The following CAMKMT variants were observed in gnomAD, a reference collection of about 807,000 sequenced individuals.
The protein encoded by CAMKMT is CaM KMT.
Under a neutral mutation model 48.0 loss-of-function variants are expected in CAMKMT, and 53 were observed. That is an observed-to-expected ratio of 1.10 (90% CI 0.89 to 1.39). The LOEUF (loss-of-function observed/expected upper bound fraction) is 1.39. Ranked by LOEUF, CAMKMT falls within the 40% of genes most tolerant of loss-of-function variation. The pLI, the probability that CAMKMT is intolerant of heterozygous loss-of-function variation, is 0.00. For synonymous variants in CAMKMT, 165 were observed against 152.3 expected (o/e 1.08, Z -0.61); for missense variants, 428 against 402.7 (o/e 1.06, Z -0.54).
chr2:44,423,624 T>A (rs569947202), intron 3 of CAMKMT, among the ~76,000 whole-genome samples: 1 of 152,350 alleles, frequency 6.6e-6, no homozygotes, highest in African/African-American at 2.4e-5. Flanking sequence ...GTTTTGTACA[T>A]CATCTTCCTC....
chr2:44,448,302 C>T (rs1333972214), intron 3 of CAMKMT, among the ~76,000 whole-genome samples: 11 of 152,276 alleles, frequency 7.2e-5, no homozygotes, highest in East Asian at 3.9e-4. Context: ...ATAAGTGTAT[C>T]TGCACATTTC....
At chr2:44,509,980 T>A (rs1670458091) in intron 3 of CAMKMT, among the ~76,000 whole-genome samples, 1 of 152,214 alleles carries the variant, frequency 6.6e-6, no homozygotes, top group Non-Finnish European at 1.5e-5. Context: ...GGTATTCTGT[T>A]ATAGCAATAA....
chr2:44,481,218 T>G (rs1167944729), intron 3 of CAMKMT, among the ~76,000 whole-genome samples: 1 of 152,112 alleles, frequency 6.6e-6, no homozygotes, highest in Non-Finnish European at 1.5e-5. Flanking sequence ...AAAAATTATT[T>G]GTTTTTAAAG....
intron 3 of CAMKMT, among the ~76,000 whole-genome samples, chr2:44,616,320 C>T (rs1671886166): frequency 6.6e-6 from 1 of 152,212 alleles, no homozygotes; most frequent in Non-Finnish European, 1.5e-5. Flanking sequence ...GATAGTTAGT[C>T]ACGTACCAAC....
chr2:44,382,769 A>G (rs1297892725), intron 2 of CAMKMT, among the ~76,000 whole-genome samples: 2 of 152,050 alleles, frequency 1.3e-5, no homozygotes, highest in Non-Finnish European at 2.9e-5. Context: ...GTGAGCCACC[A>G]CGCCCGGCCA....
At chr2:44,663,929 G>C (rs1674819151) in intron 3 of CAMKMT, among the ~76,000 whole-genome samples, 1 of 152,118 alleles carries the variant, frequency 6.6e-6, no homozygotes, top group Non-Finnish European at 1.5e-5. Flanking sequence ...TGGTAAGTGA[G>C]ATGGTAATAA....
intron 8 of CAMKMT, among the ~76,000 whole-genome samples, chr2:44,752,714 C>A (rs1334998847): frequency 6.6e-6 from 1 of 152,198 alleles, no homozygotes; most frequent in South Asian, 2.1e-4. Context: ...TGGTGAGCAT[C>A]TGGTCTCTTC....
At chr2:44,503,306 A>G (rs1670096767) in intron 3 of CAMKMT, among the ~76,000 whole-genome samples, 1 of 152,116 alleles carries the variant, frequency 6.6e-6, no homozygotes, top group Non-Finnish European at 1.5e-5. Context: ...CATTGCTTGC[A>G]AGAGTGTGAG....
At chr2:44,467,626 C>G (rs149184908) in intron 3 of CAMKMT, among the ~76,000 whole-genome samples, 2 of 152,058 alleles carry the variant, frequency 1.3e-5, no homozygotes, top group African/African-American at 4.8e-5. Context: ...AAGCGACAGT[C>G]AGCAAAACAA....
chr2:44,384,500 C>CTTTTTTTTTTTTTTT (rs141017634), intron 2 of CAMKMT, among the ~76,000 whole-genome samples: 18 of 95,850 alleles, frequency 1.9e-4, no homozygotes, highest in African/African-American at 4.1e-4. Flanking sequence ...AGCTATTTAT[C>CTTTTTTTTTTTTTTT]TTTTTTTTTT....
At chr2:44,515,631 G>T (rs1359961732) in intron 3 of CAMKMT, among the ~76,000 whole-genome samples, 3 of 152,170 alleles carry the variant, frequency 2.0e-5, no homozygotes, top group Non-Finnish European at 4.4e-5. Flanking sequence ...TTTGGGAGGG[G>T]AAACTGGTTT....
At chr2:44,600,336 A>G (rs988374066) in intron 3 of CAMKMT, among the ~76,000 whole-genome samples, 1 of 151,712 alleles carries the variant, frequency 6.6e-6, no homozygotes, top group Admixed American at 6.6e-5. Context: ...GCACCATCAT[A>G]GCTCACTACA....
At chr2:44,393,056 A>G (rs1681501400) in intron 3 of CAMKMT, among the ~76,000 whole-genome samples, 1 of 152,242 alleles carries the variant, frequency 6.6e-6, no homozygotes, top group East Asian at 1.9e-4. Flanking sequence ...AGGTATGGTC[A>G]TGGTTTAGTA....
chr2:44,587,650 T>C (rs369995392), intron 3 of CAMKMT, among the ~76,000 whole-genome samples: 2 of 104,626 alleles, frequency 1.9e-5, no homozygotes, highest in African/African-American at 7.0e-5. Flanking sequence ...TGGTTTTCCT[T>C]TTTTTTTTTT....
At chr2:44,758,070 A>G (rs866107961) in intron 9 of CAMKMT, among the ~76,000 whole-genome samples, 94 of 152,336 alleles carry the variant, frequency 6.2e-4, no homozygotes, top group African/African-American at 2.0e-3. Context: ...ATGACACTTT[A>G]CTATAGACGG....
intron 7 of CAMKMT, among the ~76,000 whole-genome samples, chr2:44,737,285 T>C (rs1573201832): frequency 6.6e-6 from 1 of 152,176 alleles, no homozygotes; most frequent in East Asian, 1.9e-4. Flanking sequence ...TCATCTAATT[T>C]TTGTATTTTT....
At chr2:44,652,382 T>TA (rs1353077998) in intron 3 of CAMKMT, among the ~76,000 whole-genome samples, 1 of 152,214 alleles carries the variant, frequency 6.6e-6, no homozygotes, top group Non-Finnish European at 1.5e-5. Flanking sequence ...GGGGCACCCC[T>TA]AGCATGTTTC....
chr2:44,445,725 T>C (rs1038679989), intron 3 of CAMKMT, among the ~76,000 whole-genome samples: 3 of 139,894 alleles, frequency 2.1e-5, no homozygotes, highest in Non-Finnish European at 4.5e-5. Flanking sequence ...CCTCTCCCCA[T>C]GCAAACTGGT....
At chr2:44,677,042 C>T (rs908141547) in intron 3 of CAMKMT, among the ~76,000 whole-genome samples, 12 of 152,120 alleles carry the variant, frequency 7.9e-5, no homozygotes, top group Admixed American at 7.9e-4. Flanking sequence ...AGTGACTGTG[C>T]TGACCCTTTA....
Sources: gnomAD v4.1 joint callset for allele counts (sites outside exome capture counted in the v4.1 genomes callset) on GRCh38, gnomAD v4.1.1 for gene constraint, MANE v1.5 for transcripts, NCBI Gene and HGNC (gene_info 2026-07-23, HGNC 2026-07-21) for gene names.